Variants in STYXL1 observed in about 807,000 individuals in gnomAD.
The protein encoded by STYXL1 is serine/threonine/tyrosine-interacting-like protein 1.
STYXL1 carries 32 observed loss-of-function variants against 36.4 expected under a neutral mutation model. That is an observed-to-expected ratio of 0.88 (90% confidence interval 0.66 to 1.18). The LOEUF is 1.18. Among genes scored for constraint, STYXL1 ranks in the 50% most tolerant of loss-of-function variants. The pLI is 0.00. For missense variants in STYXL1, 354 were observed against 394.1 expected, an observed-to-expected ratio of 0.90 and a Z score of 0.86; for synonymous variants, 133 against 144.1, an observed-to-expected ratio of 0.92 and a Z score of 0.55.
At chr7:76,010,283 C>T (rs142469759) in intron 5 of STYXL1, among the ~76,000 whole-genome samples, 4 of 152,186 alleles carry the variant, frequency 2.6e-5, no homozygotes, top group East Asian at 1.9e-4. Context: ...ACTGACTGTA[C>T]ACCTGTTGAG....
At chr7:76,016,979 C>G (rs1793448845) in intron 4 of STYXL1, among the ~76,000 whole-genome samples, 2 of 152,136 alleles carry the variant, frequency 1.3e-5, no homozygotes, top group African/African-American at 4.8e-5. Flanking sequence ...GACATAGAAT[C>G]AACTCAAGGG....
At chr7:76,042,390 CTTTTTTTTTTTTTT>C (rs528469396) in intron 1 of STYXL1, among the ~76,000 whole-genome samples, 5,284 of 41,994 alleles carry the variant, frequency 0.13, 625 homozygotes, top group African/African-American at 0.31. Context: ...CCCTTATGTG[CTTTTTTTTTTTTTT>C]TTTTTTTTTT....
rs1554573052 is a variant in STYXL1, at chr7:76,013,831, G to A, written c.364C>T (p.His122Tyr). 1 of 1,614,026 alleles carries A rather than the reference G, an allele frequency of 6.2e-7. No homozygotes were observed. The highest frequency in any genetic ancestry group is 8.5e-7 in the Non-Finnish European group (1 of 1,179,984). Reference sequence around the variant, plus strand: ...CCCCCTTTCAGGATGTAGACGGGGTGGTGGGTGAGGCGGGTCAGGATCCTG... The same window carrying A: ...CCCCCTTTCAGGATGTAGACGGGGTAGTGGGTGAGGCGGGTCAGGATCCTG... ...YGRILTRLTH[H>Y]PVYILKGGYE... The change falls in exon 5 of 9, where the codon CAC becomes TAC. Residue 122 changes from histidine (H) to tyrosine (Y), a missense_variant. His to Tyr is a moderately conservative substitution (Grantham distance 83). Transcript: ENST00000359697.
chr7:76,029,200 G>A (rs1795058134), intron 2 of STYXL1, among the ~76,000 whole-genome samples: 1 of 152,148 alleles, frequency 6.6e-6, no homozygotes, highest in Admixed American at 6.6e-5. Context: ...AGGTTGGAGT[G>A]CAGTGGCATG....
At chr7:75,997,140 A>G (rs1180472103) in intron 8 of STYXL1, among the ~76,000 whole-genome samples, 1 of 152,206 alleles carries the variant, frequency 6.6e-6, no homozygotes, top group Non-Finnish European at 1.5e-5. Flanking sequence ...AACTAGGAAC[A>G]GAAGGAAATG....
chr7:76,000,401 C>G, intron 8 of STYXL1: 1 of 456,686 alleles, frequency 2.2e-6, no homozygotes, highest in South Asian at 1.5e-5. Flanking sequence ...CTCTGGGGAT[C>G]ACGAACAGGC....
At chr7:76,021,549 G>A (rs1453495077) in intron 4 of STYXL1, among the ~76,000 whole-genome samples, 8 of 152,024 alleles carry the variant, frequency 5.3e-5, no homozygotes, top group Non-Finnish European at 1.2e-4. Flanking sequence ...CAGTTTCCAC[G>A]TCCTGATTAT....
At chr7:76,009,363 C>G (rs1398011409) in intron 5 of STYXL1, among the ~76,000 whole-genome samples, 1 of 151,574 alleles carries the variant, frequency 6.6e-6, no homozygotes, top group Non-Finnish European at 1.5e-5. Context: ...AGCCCCCTCT[C>G]TCTCCTATGC....
At position 76,047,975 on chromosome 7, in the gene STYXL1, A is replaced by C; in HGVS notation, c.-318T>G. 1 of 1,480,046 alleles carries C rather than the reference A, an allele frequency of 6.8e-7. No individual in the cohort carries two copies. The highest frequency in any genetic ancestry group is 9.0e-7 in the Non-Finnish European group (1 of 1,116,036). 91.7% of individuals were successfully genotyped at this position (1,480,046 alleles called of 1,614,324 possible). A position where few individuals can be genotyped will look rare whatever the true frequency, so the allele number is the denominator to read the frequency against. ...ACCGGGGTTGCCAGGATGGTCCCAC[A>C]GCTTTCCTTTCCGACTCCCGGAAGT... On this transcript the variant is annotated 5_prime_UTR_variant, in exon 1 of 9. Transcript: ENST00000359697.
At chr7:76,008,518 C>T (rs1417630595) in intron 5 of STYXL1, among the ~76,000 whole-genome samples, 3 of 152,148 alleles carry the variant, frequency 2.0e-5, no homozygotes, top group Non-Finnish European at 4.4e-5. Flanking sequence ...TCCCAAGCTA[C>T]CAGCTTCGAA....
chr7:76,003,669 G>A, intron 7 of STYXL1, 89 bp downstream of exon 7: 3 of 1,212,554 alleles, frequency 2.5e-6, no homozygotes, highest in Non-Finnish European at 1.2e-6. Flanking sequence ...GGAAATCACG[G>A]TCCAGAATAA....
chr7:76,035,534 G>A lies in STYXL1; in HGVS notation c.-4-5007C>T, dbSNP rs1281461558. On this transcript the variant is annotated intron_variant, in intron 1 of 8. Coordinates refer to ENST00000359697, the MANE Select transcript of STYXL1 (RefSeq NM_001317785.2). ...TACCATTATGGCCTTTCCCAACACC[G>A]CCATCTGGACCTGCCATCATACTTT... is the stretch of plus-strand genomic sequence containing the variant. Among the ~76,000 whole-genome samples, 5 of 149,536 alleles carry A rather than the reference G, an allele frequency of 3.3e-5. 1 individual carries two copies. The highest frequency in any genetic ancestry group is 6.0e-5 in the Non-Finnish European group (4 of 66,982).
intron 8 of STYXL1, chr7:75,998,957 AACAG>A (rs766018263): frequency 6.6e-6 from 1 of 152,272 alleles, no homozygotes; most frequent in Non-Finnish European, 1.5e-5. Flanking sequence ...CACAAGAAGA[AACAG>A]ACAATCTGAA....
intron 2 of STYXL1, 62 bp from the exon 3 acceptor site, chr7:76,028,765 A>G (rs1795011958): frequency 7.0e-7 from 1 of 1,432,262 alleles, no homozygotes; most frequent in African/African-American, 1.4e-5. Flanking sequence ...AACTACTCAG[A>G]GGACCTACGT....
chr7:76,030,383 CTG>C (rs1795193330), intron 2 of STYXL1, 36 bp downstream of exon 2: 3 of 1,468,382 alleles, frequency 2.0e-6, no homozygotes, highest in Non-Finnish European at 2.9e-6. Context: ...TTGAAGGACA[CTG>C]TGTTTGACCT....
intron 1 of STYXL1, among the ~76,000 whole-genome samples, chr7:76,036,434 T>C (rs1795916878): frequency 6.7e-6 from 1 of 150,054 alleles, no homozygotes; most frequent in Non-Finnish European, 1.5e-5. Context: ...GCTCCACCAT[T>C]TGAGCCCTCA....
rs573494305 is a variant in STYXL1, at chr7:76,005,446, C to T, written c.454-42G>A. Reference sequence around the variant, plus strand: ...GAAAGGCAGCTATGAGCATATTCCTCAGGGAAGAGGGATGTCTATCTCTTG... The same window carrying T: ...GAAAGGCAGCTATGAGCATATTCCTTAGGGAAGAGGGATGTCTATCTCTTG... On this transcript the variant is annotated intron_variant, in intron 5 of 8. Transcript: ENST00000359697. 135 of 1,550,758 alleles carry T rather than the reference C, an allele frequency of 8.7e-5. 1 individual carries two copies. The South Asian group carries it at 1.5e-3, about 17-fold the overall frequency.
At chr7:76,020,276 G>A (rs1554575683) in intron 4 of STYXL1, among the ~76,000 whole-genome samples, 1 of 152,202 alleles carries the variant, frequency 6.6e-6, no homozygotes, top group Admixed American at 6.5e-5. Context: ...CAGACAGCTG[G>A]TTTTATGAAA....
chr7:76,022,450 AGGAGTTCCAGACCAGCCT>A (rs1377086007), intron 3 of STYXL1, among the ~76,000 whole-genome samples: 1 of 152,002 alleles, frequency 6.6e-6, no homozygotes, highest in African/African-American at 2.4e-5. Flanking sequence ...GCTTGAGGCC[AGGAGTTCCAGACCAGCCT>A]GGACAACAGC....
Sources: gnomAD v4.1 joint callset for allele counts (sites outside exome capture counted in the v4.1 genomes callset) on GRCh38, gnomAD v4.1.1 for gene constraint, MANE v1.5 for transcripts, NCBI Gene and HGNC (gene_info 2026-07-23, HGNC 2026-07-21) for gene names.